Variants in MMP26 observed in about 807,000 individuals in gnomAD.
The protein encoded by MMP26 is matrix metallopeptidase 26.
MMP26 carries 33 observed loss-of-function variants against 31.0 expected under a neutral mutation model. That is an observed-to-expected ratio of 1.06 (90% CI 0.81 to 1.42). The LOEUF is 1.42. MMP26 is among the 40% of genes most tolerant of loss of function. MMP26 has a pLI of 0.00. For missense variants in MMP26, 347 were observed against 316.1 expected, an observed-to-expected ratio of 1.10 and a Z score of -0.74; for synonymous variants, 122 against 114.9, an observed-to-expected ratio of 1.06 and a Z score of -0.40.
chr11:4,904,761 A>C (rs980230518), intron 2 of MMP26, among the ~76,000 whole-genome samples: 1 of 151,828 alleles, frequency 6.6e-6, no homozygotes, highest in Non-Finnish European at 1.5e-5. Flanking sequence ...GCCAGAGAAA[A>C]AAAGGGAGAA....
intron 2 of MMP26, among the ~76,000 whole-genome samples, chr11:4,918,004 A>T (rs1292502128): frequency 3.3e-5 from 5 of 151,676 alleles, no homozygotes; most frequent in Non-Finnish European, 1.5e-5. Context: ...GGTGAAGAAG[A>T]AAGAAATAGA....
intron 2 of MMP26, among the ~76,000 whole-genome samples, chr11:4,777,815 A>G (rs758216917): frequency 7.2e-5 from 11 of 152,084 alleles, no homozygotes; most frequent in African/African-American, 1.2e-4. Context: ...GCGTATGACT[A>G]TACCTCACCT....
chr11:4,923,695 G>A (rs1851220806), intron 2 of MMP26: 1 of 1,613,936 alleles, frequency 6.2e-7, no homozygotes, highest in African/African-American at 1.3e-5. Flanking sequence ...AGAGAAAGAT[G>A]AGCAGGGAGT....
intron 2 of MMP26, chr11:4,803,574 A>G: frequency 6.2e-7 from 1 of 1,614,048 alleles, no homozygotes; most frequent in Non-Finnish European, 8.5e-7. Flanking sequence ...GGGGCACATC[A>G]TGGCCAAAGC....
intron 2 of MMP26, among the ~76,000 whole-genome samples, chr11:4,851,755 A>C (rs1849978627): frequency 6.6e-6 from 1 of 152,076 alleles, no homozygotes; most frequent in South Asian, 2.1e-4. Flanking sequence ...TTCTGAAGTA[A>C]ATTATATAGT....
rs142746784 is a variant in MMP26 at position 4,791,346 on chromosome 11, G to C, written c.-145+24005G>C. On this transcript the variant is annotated intron_variant, in intron 2 of 7. Transcript: ENST00000380390. ...GCTGATTGACATCTTATCCAAGTCGGAGACCAATTTTTTTTCCTAGTAGAG... is the reference window on the plus strand; with the variant it reads ...GCTGATTGACATCTTATCCAAGTCGCAGACCAATTTTTTTTCCTAGTAGAG... Among the ~76,000 whole-genome samples the C allele has an allele frequency of 2.4e-4, 37 of 152,234 alleles. No homozygotes were observed. The East Asian group carries it at 7.0e-3, about 29-fold the overall frequency.
At chr11:4,924,992 G>A (rs928838687) in intron 2 of MMP26, among the ~76,000 whole-genome samples, 4 of 152,156 alleles carry the variant, frequency 2.6e-5, no homozygotes, top group African/African-American at 7.2e-5. Context: ...ATATATATAA[G>A]TGTAGTGTGA....
chr11:4,782,186 G>A (rs545080418), intron 2 of MMP26, among the ~76,000 whole-genome samples: 1 of 152,294 alleles, frequency 6.6e-6, no homozygotes, highest in African/African-American at 2.4e-5. Flanking sequence ...AAGAAGACAG[G>A]AAAATGTGGG....
intron 2 of MMP26, chr11:4,804,234 G>C (rs777451639): frequency 6.2e-7 from 1 of 1,613,874 alleles, no homozygotes; most frequent in East Asian, 2.2e-5. Flanking sequence ...TGATTACATG[G>C]AGGAGAGTGA....
At chr11:4,732,398 A>G (rs1848184635) in intron 1 of MMP26, among the ~76,000 whole-genome samples, 1 of 152,106 alleles carries the variant, frequency 6.6e-6, no homozygotes, top group African/African-American at 2.4e-5. Context: ...TTAATACAAT[A>G]GTTTTTTGTG....
chr11:4,919,169 G>A (rs1457597388), intron 2 of MMP26: 2 of 152,222 alleles, frequency 1.3e-5, no homozygotes, highest in Non-Finnish European at 2.9e-5. Flanking sequence ...TCTGACTGTA[G>A]CATTTACCAT....
chr11:4,968,092 T>G (rs1052720914), intron 2 of MMP26, among the ~76,000 whole-genome samples: 3 of 152,102 alleles, frequency 2.0e-5, no homozygotes, highest in African/African-American at 7.2e-5. Flanking sequence ...AAAGATCCAA[T>G]AAGAGTTAGC....
chr11:4,882,399 C>G (rs1564799768), intron 2 of MMP26: 4 of 1,613,934 alleles, frequency 2.5e-6, no homozygotes, highest in Non-Finnish European at 3.4e-6. Context: ...GCCATAAACA[C>G]TGTGTCTTTT....
At chr11:4,716,648 CTCT>C (rs1847933746) in intron 1 of MMP26, among the ~76,000 whole-genome samples, 1 of 61,474 alleles carries the variant, frequency 1.6e-5, no homozygotes, top group African/African-American at 5.3e-5. Flanking sequence ...TCTCTCTTAC[CTCT>C]TTTTTTTTTT....
intron 2 of MMP26, among the ~76,000 whole-genome samples, chr11:4,925,793 G>C (rs1259784938): frequency 6.6e-6 from 1 of 151,086 alleles, no homozygotes; most frequent in Non-Finnish European, 1.5e-5. Context: ...AAATGAAGTA[G>C]GACAAGTTTG....
At chr11:4,907,115 A>AAAG (rs1554890101) in intron 2 of MMP26, among the ~76,000 whole-genome samples, 3 of 144,816 alleles carry the variant, frequency 2.1e-5, no homozygotes, top group African/African-American at 7.7e-5. Flanking sequence ...AAAAAAAAAA[A>AAAG]TCCTAAAAAT....
intron 2 of MMP26, among the ~76,000 whole-genome samples, chr11:4,828,176 T>C (rs1849603118): frequency 6.6e-6 from 1 of 152,170 alleles, no homozygotes; most frequent in East Asian, 1.9e-4. Context: ...AGAATAGGAA[T>C]GTGAGGAAGC....
At chr11:4,875,025 G>C (rs892448088) in intron 2 of MMP26, among the ~76,000 whole-genome samples, 3 of 152,218 alleles carry the variant, frequency 2.0e-5, no homozygotes, top group Admixed American at 1.3e-4. Context: ...GTTTTAACAC[G>C]CATGGCACTG....
Position 4,954,367 on chromosome 11 carries a change from T to C in MMP26, c.-144-33701T>C, listed in dbSNP as rs139283401. On this transcript the variant is annotated intron_variant, in intron 2 of 7. Coordinates refer to ENST00000380390, the MANE Select transcript of MMP26 (RefSeq NM_021801.5). ...CTGGAATTTAAAAAAGATGGTGACA[T>C]ACTAACATGATTAAAATGGATAGAG... Among the ~76,000 whole-genome samples, 618 of 125,210 alleles carry C rather than the reference T, an allele frequency of 4.9e-3. 129 individuals carry two copies. The highest frequency in any genetic ancestry group is 0.016 in the African/African-American group (578 of 36,820). The allele number at this position is 125,210 out of a possible 152,430, so 82.1% of individuals were successfully genotyped here. A position where few individuals can be genotyped will look rare whatever the true frequency, so the allele number is the denominator to read the frequency against.
Sources: gnomAD v4.1 joint callset for allele counts (sites outside exome capture counted in the v4.1 genomes callset) on GRCh38, gnomAD v4.1.1 for gene constraint, MANE v1.5 for transcripts, NCBI Gene and HGNC (gene_info 2026-07-23, HGNC 2026-07-21) for gene names.